The following KSR2 variants were observed in gnomAD, a reference collection of about 807,000 sequenced individuals.
KSR2 encodes the protein kinase suppressor of ras 2.
In KSR2, 25 loss-of-function variants were observed where a neutral mutation model predicts 107.8. The ratio of observed to expected loss-of-function variants is 0.23; its 90% CI spans 0.17 to 0.32. The LOEUF (loss-of-function observed/expected upper bound fraction) is 0.32. KSR2 is among the 10% of genes least tolerant of loss of function. The probability of loss-of-function intolerance (pLI) is 1.00; values close to 1 mark genes in which losing one functional copy is unlikely to be tolerated. For missense variants in KSR2, 887 were observed against 1,268.9 expected, an observed-to-expected ratio of 0.70 and a Z score of 4.57; for synonymous variants, 480 against 507.0, an observed-to-expected ratio of 0.95 and a Z score of 0.71.
chr12:117,884,046 T>C (rs1410212478), intron 1 of KSR2, among the ~76,000 whole-genome samples: 3 of 152,082 alleles, frequency 2.0e-5, no homozygotes, highest in East Asian at 3.9e-4. Flanking sequence ...AGGAAAATAA[T>C]GCCGTTTGTC....
rs1357588702 is a variant in KSR2 at position 117,453,619 on chromosome 12, G to A, written c.*13580C>T. On this transcript the variant is annotated 3_prime_UTR_variant, in exon 20 of 20. Coordinates refer to ENST00000339824, the MANE Select transcript of KSR2 (RefSeq NM_173598.6). ...ATATAGAGAAAGCCTTTTTACAATT[G>A]AGGAATTTTCCTAAGGTCAGTAACT... 4 of 152,122 alleles carry A rather than the reference G, an allele frequency of 2.6e-5. No homozygotes were observed. The highest frequency in any genetic ancestry group is 9.7e-5 in the African/African-American group (4 of 41,428). The allele number at this position is 152,122 out of a possible 1,614,324, so 9.4% of individuals were successfully genotyped here. A position where few individuals can be genotyped will look rare whatever the true frequency, so the allele number is the denominator to read the frequency against.
At chr12:117,690,286 G>A (rs746422461) in intron 4 of KSR2, among the ~76,000 whole-genome samples, 8 of 152,186 alleles carry the variant, frequency 5.3e-5, no homozygotes, top group Non-Finnish European at 8.8e-5. Flanking sequence ...GAAAAAGGCC[G>A]GGCACGGTGG....
intron 8 of KSR2, 103 bp from the exon 9 acceptor site, chr12:117,555,396 G>T: frequency 8.8e-7 from 1 of 1,138,872 alleles, no homozygotes; most frequent in Non-Finnish European, 1.3e-6. Context: ...CCACCCTCCA[G>T]ACTGGAGGAC....
chr12:117,915,053 A>G (rs1303510046), intron 1 of KSR2, among the ~76,000 whole-genome samples: 1 of 152,264 alleles, frequency 6.6e-6, no homozygotes, highest in African/African-American at 2.4e-5. Flanking sequence ...AAGCCGTACC[A>G]GCAACAGGCT....
intron 14 of KSR2, among the ~76,000 whole-genome samples, chr12:117,523,505 T>C (rs1190498751): frequency 6.6e-6 from 1 of 152,212 alleles, no homozygotes; most frequent in African/African-American, 2.4e-5. Flanking sequence ...TTTCTCCCAA[T>C]GCCTCAAGCC....
At chr12:117,636,972 T>G (rs995585657) in intron 5 of KSR2, among the ~76,000 whole-genome samples, 1 of 152,076 alleles carries the variant, frequency 6.6e-6, no homozygotes, top group Admixed American at 6.6e-5. Flanking sequence ...GAGAGGTAAT[T>G]TAATAGGAAA....
chr12:117,499,407 A>G (rs1168980186), intron 14 of KSR2, among the ~76,000 whole-genome samples: 2 of 152,226 alleles, frequency 1.3e-5, no homozygotes, highest in Non-Finnish European at 1.5e-5. Flanking sequence ...ATCGAGAAAA[A>G]AGGAAGAAAT....
intron 4 of KSR2, among the ~76,000 whole-genome samples, chr12:117,689,865 G>T (rs1016244134): frequency 6.6e-6 from 1 of 152,140 alleles, no homozygotes; most frequent in African/African-American, 2.4e-5. Context: ...AGAGTAAGGG[G>T]GGTGGGGGGA....
intron 3 of KSR2, among the ~76,000 whole-genome samples, chr12:117,774,184 C>G (rs1335618265): frequency 6.6e-6 from 1 of 152,154 alleles, no homozygotes; most frequent in Non-Finnish European, 1.5e-5. Context: ...TGGGGCAGCT[C>G]CTTCTGACCT....
rs147778023 is a variant in KSR2 at position 117,813,942 on chromosome 12, C to T, written c.472+41486G>A. ...ATATACACAACAGAATACTATTTAG[C>T]CACAAAAACAATGAAATCCTGCCAT... On this transcript the variant is annotated intron_variant, in intron 3 of 19. Coordinates refer to ENST00000339824, the MANE Select transcript of KSR2 (RefSeq NM_173598.6). Among the ~76,000 whole-genome samples the T allele has an allele frequency of 1.5e-3, 229 of 152,238 alleles. 1 individual carries two copies. The highest frequency in any genetic ancestry group is 2.7e-3 in the Admixed American group (42 of 15,294).
At chr12:117,838,153 T>TG (rs1411817860) in intron 3 of KSR2, among the ~76,000 whole-genome samples, 1 of 152,214 alleles carries the variant, frequency 6.6e-6, no homozygotes, top group Non-Finnish European at 1.5e-5. Context: ...GTCAGCACAA[T>TG]GGACCATGCA....
At chr12:117,529,848 A>C (rs1177644331) in intron 12 of KSR2, among the ~76,000 whole-genome samples, 1 of 150,932 alleles carries the variant, frequency 6.6e-6, no homozygotes, top group East Asian at 1.9e-4. Flanking sequence ...ACAAAAATAA[A>C]AAATTAAAAA....
At chr12:117,541,284 C>G (rs551152361) in intron 9 of KSR2, among the ~76,000 whole-genome samples, 147 of 140,292 alleles carry the variant, frequency 1.0e-3, no homozygotes, top group African/African-American at 3.7e-3. Flanking sequence ...GCATGGGAGG[C>G]AGGGAGGCAG....
intron 1 of KSR2, among the ~76,000 whole-genome samples, chr12:117,920,293 T>C (rs963153984): frequency 6.6e-6 from 1 of 152,014 alleles, no homozygotes; most frequent in African/African-American, 2.4e-5. Context: ...GAGATGAGTG[T>C]CTCACTATGT....
intron 5 of KSR2, among the ~76,000 whole-genome samples, chr12:117,651,578 T>TA (rs1409266277): frequency 1.3e-5 from 2 of 152,238 alleles, no homozygotes; most frequent in African/African-American, 4.8e-5. Context: ...ATTGGGGAGT[T>TA]AAAAAAAGGT....
chr12:117,860,368 G>A lies in KSR2; in HGVS notation c.244C>T (p.Arg82Cys), dbSNP rs374159027. Residue 82 changes from arginine (R) to cysteine (C), a missense_variant, in exon 2 of 20, where the codon CGC becomes TGC. Physicochemically the swap from Arg to Cys is radical, Grantham distance 180 (BLOSUM62 -3). This residue lies in a region of KSR2 where 399 missense variants were observed against 479.5 expected (regional missense o/e 0.83). Coordinates refer to ENST00000339824, the MANE Select transcript of KSR2 (RefSeq NM_173598.6). ...GGGAAGCCGTCCAGCTCCGCGTTGC[G>A]CTCCTGCAAGGCTACCTTCTTTTTG... ...SCKKKVALQE[R>C]NAELDGFPQL... 2.5e-6 allele frequency: 4 copies of A among 1,613,440 alleles called. No homozygotes were observed. The highest frequency in any genetic ancestry group is 2.2e-5 in the East Asian group (1 of 44,882).
chr12:117,490,926 G>A (rs903228654), intron 14 of KSR2, among the ~76,000 whole-genome samples: 18 of 151,976 alleles, frequency 1.2e-4, no homozygotes, highest in East Asian at 3.9e-4. Context: ...TTTTGTGTGC[G>A]GTGAGAACAC....
chr12:117,817,752 A>T (rs1228728522), intron 3 of KSR2, among the ~76,000 whole-genome samples: 1 of 152,230 alleles, frequency 6.6e-6, no homozygotes, highest in Non-Finnish European at 1.5e-5. Flanking sequence ...ATGGATAAAG[A>T]GAGATTCCTT....
At chr12:117,594,298 A>G (rs1369161655) in intron 5 of KSR2, among the ~76,000 whole-genome samples, 3 of 152,196 alleles carry the variant, frequency 2.0e-5, no homozygotes, top group Admixed American at 1.3e-4. Flanking sequence ...GACCCCAGCC[A>G]GGTTTTCAAA....
Sources: allele counts gnomAD v4.1 joint callset (sites outside exome capture counted in the v4.1 genomes callset), GRCh38; gene constraint gnomAD v4.1.1; regional missense constraint gnomAD v4.1.1; transcripts MANE v1.5; gene names NCBI Gene and HGNC (gene_info 2026-07-23, HGNC 2026-07-21).